The following C16orf96 variants were observed in gnomAD, a reference collection of about 807,000 sequenced individuals.
C16orf96 encodes the protein uncharacterized protein C16orf96.
In C16orf96, 108 loss-of-function variants were observed where a neutral mutation model predicts 103.6. That is an observed-to-expected ratio of 1.04 (90% CI 0.89 to 1.22). The LOEUF (loss-of-function observed/expected upper bound fraction) is 1.22, where lower values mean the gene tolerates loss of function less well. C16orf96 is among the 50% of genes most tolerant of loss of function. The pLI is 0.00. For synonymous variants in C16orf96, 566 were observed against 593.5 expected (o/e 0.95, Z 0.67); for missense variants, 1,586 against 1,464.2 (o/e 1.08, Z -1.36).
rs770310627 is a variant in C16orf96, at chr16:4,600,281, C to G, written c.3390C>G (p.Val1130=). ...GAGCTCCACACATTGAGTCCCGAGT[C>G]GGCAGGAAGCCCCCCGAGGAGCCCG... ...LSRAPHIESR[V]GRKPPEEPAN... is the part of the protein sequence containing the mutation. The change falls in exon 16 of 16, where the codon GTC becomes GTG. Residue 1130 remains valine, a synonymous_variant. Transcript: ENST00000444310. 1.2e-5 allele frequency: 19 copies of G among 1,551,026 alleles called. No homozygotes were observed. The African/African-American group carries it at 2.2e-4, about 18-fold the overall frequency.
intron 12 of C16orf96, among the ~76,000 whole-genome samples, chr16:4,594,002 C>A (rs544630453): frequency 6.6e-6 from 1 of 152,164 alleles, no homozygotes; most frequent in Non-Finnish European, 1.5e-5. Context: ...ACCGGTGAAT[C>A]GTCACCACAG....
rs1229196693 is a variant in C16orf96 at position 4,591,863 on chromosome 16, G to A, written c.2711+79G>A. On this transcript the variant is annotated intron_variant, in intron 10 of 15. Coordinates refer to ENST00000444310, the MANE Select transcript of C16orf96 (RefSeq NM_001145011.2). The stretch of plus-strand genomic sequence containing the variant: ...GGAACACACCCTGGAAGCTCTGGGA[G>A]GAAAGATTCCAGACCTTTGGATGAG... The A allele has an allele frequency of 1.0e-5, 12 of 1,150,642 alleles. No individual in the cohort carries two copies. The East Asian group carries it at 1.8e-4, about 17-fold the overall frequency. 71.3% of individuals were successfully genotyped at this position (1,150,642 alleles called of 1,614,324 possible).
intron 7 of C16orf96, among the ~76,000 whole-genome samples, chr16:4,581,195 C>T (rs1363457507): frequency 2.4e-5 from 3 of 124,482 alleles, no homozygotes; most frequent in Non-Finnish European, 3.4e-5. Context: ...ATTAGCCAGG[C>T]GTAGTGGCAC....
At chr16:4,541,351 C>T in the C16orf96 span, among the ~76,000 whole-genome samples, 9 of 152,192 alleles carry the variant, frequency 5.9e-5, no homozygotes, top group African/African-American at 2.2e-4. Context: ...AAAATCAATA[C>T]TTGTGGTGCT....
At position 4,576,449 on chromosome 16, in the gene C16orf96, A is replaced by G; in HGVS notation, c.1969A>G (p.Ile657Val). The change falls in exon 5 of 16, where the codon ATC becomes GTC. Residue 657 changes from isoleucine (I) to valine (V), a missense_variant. By Grantham distance (29) the Ile-to-Val change is conservative (BLOSUM62 3). Coordinates refer to ENST00000444310, the MANE Select transcript of C16orf96 (RefSeq NM_001145011.2). ...ILSPSYSAAS[I>V]GPDPALSQAM... ...CTCTCCCTCCTACTCTGCTGCCAGC[A>G]TCGGTCCCGATCCAGCCCTGTCCCA... 6.4e-7 allele frequency: 1 copy of G among 1,551,370 alleles called. No homozygotes were observed. The highest frequency in any genetic ancestry group is 1.4e-5 in the African/African-American group (1 of 73,180).
chr16:4,579,508 C>T (rs2059556018), intron 6 of C16orf96, among the ~76,000 whole-genome samples: 2 of 130,526 alleles, frequency 1.5e-5, no homozygotes, highest in African/African-American at 5.8e-5. Context: ...GAGCCAAGAT[C>T]ACGCCGCTGC....
chr16:4,572,373 C>G (rs1212782661), intron 2 of C16orf96, among the ~76,000 whole-genome samples: 1 of 137,386 alleles, frequency 7.3e-6, no homozygotes, highest in Non-Finnish European at 1.5e-5. Flanking sequence ...GATCTTGACT[C>G]ACTGCAACCT....
At chr16:4,560,822 A>C (rs2059321947) in intron 1 of C16orf96, 1 of 151,142 alleles carries the variant, frequency 6.6e-6, no homozygotes, top group Non-Finnish European at 1.5e-5. Context: ...CTACGAAAAA[A>C]AGACAAGACA....
In C16orf96 at chr16:4,556,722, G is replaced by T; in HGVS notation, c.233G>T (p.Ser78Ile). The T allele has an allele frequency of 3.2e-6, 5 of 1,551,692 alleles. No individual in the cohort carries two copies. The South Asian group carries it at 5.9e-5, about 18-fold the overall frequency. ...ATCCTCAACCCCATGAAGAGGCTCA[G>T]CAATGTCTTCGACCACGTGGTGAGC... is the stretch of plus-strand genomic sequence containing the variant. ...QPILNPMKRL[S>I]NVFDHVVSRL... The change falls in exon 1 of 16, where the codon AGC (serine) becomes ATC (isoleucine). Residue 78 changes from serine to isoleucine, a missense_variant. Physicochemically the swap from Ser to Ile is moderately radical, Grantham distance 142 (BLOSUM62 -2). Coordinates refer to ENST00000444310, the MANE Select transcript of C16orf96 (RefSeq NM_001145011.2).
the C16orf96 span, among the ~76,000 whole-genome samples, chr16:4,548,373 C>T: frequency 1.9e-3 from 290 of 152,290 alleles, no homozygotes; most frequent in Admixed American, 3.7e-3. Flanking sequence ...TGCAAAGCCA[C>T]CACCTCTTAT....
chr16:4,592,717 G>A (rs1779606452), intron 11 of C16orf96, among the ~76,000 whole-genome samples: 2 of 152,152 alleles, frequency 1.3e-5, no homozygotes, highest in Admixed American at 1.3e-4. Flanking sequence ...ACAAATATGC[G>A]GCCTTGTATG....
In C16orf96 at chr16:4,576,061, T is replaced by C. The variant is rs111787691; in HGVS notation, c.1581T>C (p.Asp527=). Residue 527 remains aspartate, a synonymous_variant, in exon 5 of 16, where the codon GAT becomes GAC. Transcript: ENST00000444310. Reference sequence around the variant, plus strand: ...CCAAGGATAGAGCTCACAAGGATGATGTCCCCAAAGATAGAGGTGGCAAAG... The same window carrying C: ...CCAAGGATAGAGCTCACAAGGATGACGTCCCCAAAGATAGAGGTGGCAAAG... The part of the protein sequence containing the change: ...VDPKDRAHKD[D]VPKDRGGKDG... 7 of 1,549,276 alleles carry C rather than the reference T, an allele frequency of 4.5e-6. No individual in the cohort carries two copies. In the African/African-American group the frequency reaches 5.5e-5, roughly 12 times the overall value.
chr16:4,575,326 T>C lies in C16orf96; in HGVS notation c.846T>C (p.His282=). 1 of 1,551,258 alleles carries C rather than the reference T, an allele frequency of 6.4e-7. No individual in the cohort carries two copies. The highest frequency in any genetic ancestry group is 8.7e-7 in the Non-Finnish European group (1 of 1,146,974). The change falls in exon 5 of 16, where the codon CAT becomes CAC. Residue 282 remains histidine, a synonymous_variant. Transcript: ENST00000444310. The part of the protein sequence containing the change: ...QNPQLLQTVW[H]YEVPELLPEG... Reference sequence around the variant, plus strand: ...CCCAGCTACTGCAGACTGTCTGGCATTATGAGGTCCCAGAGCTCCTCCCGG... The same window carrying C: ...CCCAGCTACTGCAGACTGTCTGGCACTATGAGGTCCCAGAGCTCCTCCCGG...
chr16:4,592,500 G>C, intron 11 of C16orf96, 133 bp downstream of exon 11: 1 of 1,078,940 alleles, frequency 9.3e-7, no homozygotes, highest in South Asian at 1.4e-5. Context: ...ATTCTCTCCA[G>C]CCATCAAGTC....
chr16:4,545,090 C>G, the C16orf96 span, among the ~76,000 whole-genome samples: 2 of 152,172 alleles, frequency 1.3e-5, no homozygotes, highest in Non-Finnish European at 2.9e-5. Flanking sequence ...AACAGGTTCT[C>G]CATGACCAGA....
chr16:4,571,500 A>G, intron 1 of C16orf96, 61 bp from the exon 2 acceptor site: 5 of 1,415,628 alleles, frequency 3.5e-6, no homozygotes, highest in Middle Eastern at 1.8e-4. Flanking sequence ...AAGCTTCTGC[A>G]CTTCACTTAC....
the C16orf96 span, among the ~76,000 whole-genome samples, chr16:4,539,725 T>C: frequency 6.6e-6 from 1 of 152,074 alleles, no homozygotes; most frequent in African/African-American, 2.4e-5. Flanking sequence ...TTAGGAGTCA[T>C]GCACCCAGAG....
chr16:4,557,051 C>T, intron 1 of C16orf96, 142 bp downstream of exon 1: 1 of 918,616 alleles, frequency 1.1e-6, no homozygotes, highest in Non-Finnish European at 1.6e-6. Context: ...CTCACTGCAA[C>T]CTCCGCCTCC....
intron 14 of C16orf96, 111 bp from the exon 15 acceptor site, chr16:4,599,173 T>G (rs1175670330): frequency 2.4e-6 from 2 of 849,942 alleles, no homozygotes; most frequent in Admixed American, 2.2e-5. Context: ...CCGGGGAGCC[T>G]GGGAAATGGG....
Sources: gnomAD v4.1 joint callset for allele counts (sites outside exome capture counted in the v4.1 genomes callset) on GRCh38, gnomAD v4.1.1 for gene constraint, MANE v1.5 for transcripts, NCBI Gene and HGNC (gene_info 2026-07-23, HGNC 2026-07-21) for gene names.